The following MYH7 variants were observed in gnomAD, a reference collection of about 807,000 sequenced individuals.
MYH7 encodes myosin-7.
Under a neutral mutation model 225.4 loss-of-function variants are expected in MYH7, and 129 were observed. The observed-to-expected ratio is 0.57, with a 90% CI of 0.50 to 0.66. The LOEUF (loss-of-function observed/expected upper bound fraction) is 0.66, where lower values mean the gene tolerates loss of function less well. MYH7 is among the 30% of genes least tolerant of loss of function. The probability of loss-of-function intolerance (pLI) is 0.00; values close to 1 mark genes in which losing one functional copy is unlikely to be tolerated. For missense variants in MYH7, 1,649 were observed against 2,517.0 expected (o/e 0.66, Z 7.38); for synonymous variants, 971 against 1,007.6 (o/e 0.96, Z 0.69).
intron 16 of MYH7, 91 bp downstream of exon 16, chr14:23,427,494 C>T: frequency 6.5e-7 from 1 of 1,533,586 alleles, no homozygotes; most frequent in Admixed American, 1.9e-5. Flanking sequence ...TACAACCTGA[C>T]ATTGAAGTGG....
At chr14:23,431,334 G>A in intron 9 of MYH7, 84 bp downstream of exon 9, 2 of 1,329,872 alleles carry the variant, frequency 1.5e-6, no homozygotes, top group Non-Finnish European at 2.2e-6. Flanking sequence ...CAGAGGGAGG[G>A]AGGGGAGAGA....
At position 23,431,896 on chromosome 14, in the gene MYH7, G is replaced by C. The variant is rs201586880; in HGVS notation, c.531-27C>G. 6 of 1,600,016 alleles carry C rather than the reference G, an allele frequency of 3.7e-6. No homozygotes were observed. The African/African-American group carries it at 6.7e-5, about 18-fold the overall frequency. Reference sequence around the variant, plus strand: ...TGTGAAGACAGGGGCTTATTGGGCAGTGAACAATACTACTGGAGACCAGCA... The same window carrying C: ...TGTGAAGACAGGGGCTTATTGGGCACTGAACAATACTACTGGAGACCAGCA... On this transcript the variant is annotated intron_variant, in intron 6 of 39. Coordinates refer to ENST00000355349, the MANE Select transcript of MYH7 (RefSeq NM_000257.4).
chr14:23,420,526 A>G (rs1279755793), intron 26 of MYH7, among the ~76,000 whole-genome samples: 1 of 152,258 alleles, frequency 6.6e-6, no homozygotes, highest in Non-Finnish European at 1.5e-5. Context: ...TAAAAAAATA[A>G]CAAAAGTTGA....
chr14:23,434,325 G>T (rs577080797), intron 1 of MYH7, 76 bp from the exon 2 acceptor site: 2 of 952,842 alleles, frequency 2.1e-6, no homozygotes, highest in Middle Eastern at 5.5e-4. Flanking sequence ...CTTCTCCCTG[G>T]CTCTGTTCTT....
chr14:23,415,385 G>A lies in MYH7; in HGVS notation c.5279C>T (p.Thr1760Met), dbSNP rs727505294. The change falls in exon 36 of 40, where the codon ACG becomes ATG. Residue 1760 changes from threonine (T) to methionine (M), a missense_variant. Transcript: ENST00000355349. The surrounding 1 kb of genome is among the most constrained non-coding windows in gnomAD (Gnocchi z 6.3). Reference protein sequence around the residue: ...NAEEKAKKAITDAAMMAEELK... With the variant: ...NAEEKAKKAIMDAAMMAEELK... ...TCGGTGGAGTGGGGGACTTACATCC[G>A]TGATGGCCTTCTTGGCCTTCTCCTC... is the stretch of plus-strand genomic sequence containing the variant. 9.3e-6 allele frequency: 15 copies of A among 1,614,094 alleles called. No individual in the cohort carries two copies. Among genetic ancestry groups the A allele is most frequent in the South Asian group, 2.2e-5 (2 of 91,086 alleles).
intron 7 of MYH7, 33 bp from the exon 8 acceptor site, chr14:23,431,710 T>A (rs1003648521): frequency 6.2e-7 from 1 of 1,614,100 alleles, no homozygotes; most frequent in East Asian, 2.2e-5. Context: ...AGGTGAGAGC[T>A]CTTCTCCCTC....
In MYH7 at chr14:23,424,010, T is replaced by G; in HGVS notation, c.2819A>C (p.Lys940Thr). The G allele has an allele frequency of 1.1e-5, 18 of 1,614,256 alleles. No homozygotes were observed. Among genetic ancestry groups the G allele is most frequent in the Non-Finnish European group, 1.5e-5 (18 of 1,180,046 alleles). ...TGAGCACTCATCTTCCAGCTTGCGC[T>G]TCTTGGCAGTGAGCTCAGCATTCAT... The part of the protein sequence containing the change: ...EEMNAELTAK[K>T]RKLEDECSEL... The change falls in exon 23 of 40, where the codon AAG becomes ACG. Residue 940 changes from lysine (K) to threonine (T), a missense_variant. Around this residue, in one of 12 missense-constraint regions of MYH7, gnomAD observed 282 missense variants for 315.3 expected, o/e 0.89. Coordinates refer to ENST00000355349, the MANE Select transcript of MYH7 (RefSeq NM_000257.4).
rs1469321541 is a variant in MYH7, at chr14:23,425,755, T to C, written c.2226A>G (p.Ala742=). Residue 742 remains alanine, a synonymous_variant, in exon 20 of 40, where the codon GCA becomes GCG. Transcript: ENST00000355349. This position sits in a 1 kb window ranked among gnomAD's most constrained non-coding sequence, Gnocchi z 4.6. The part of the protein sequence containing the change: ...EGQFIDSRKG[A]EKLLSSLDID... Reference sequence around the variant, plus strand: ...TGTCCAGGGAGCTGAGCAGCTTCTCTGCCCCCTTCCTGCTATCAATGAACT... The same window carrying C: ...TGTCCAGGGAGCTGAGCAGCTTCTCCGCCCCCTTCCTGCTATCAATGAACT... 1 of 1,614,032 alleles carries C rather than the reference T, an allele frequency of 6.2e-7. No homozygotes were observed. Among genetic ancestry groups the C allele is most frequent in the East Asian group, 2.2e-5 (1 of 44,892 alleles).
intron 15 of MYH7, 129 bp downstream of exon 15, chr14:23,428,371 A>C: frequency 6.8e-7 from 1 of 1,468,408 alleles, no homozygotes; most frequent in Non-Finnish European, 9.4e-7. Flanking sequence ...AGGCTCTGGA[A>C]CCAAGGGCTC....
chr14:23,430,646 T>G lies in MYH7; in HGVS notation c.913A>C (p.Asn305His), dbSNP rs750654574. The G allele has an allele frequency of 6.2e-7, 1 of 1,614,054 alleles. No individual in the cohort carries two copies. The highest frequency in any genetic ancestry group is 8.5e-7 in the Non-Finnish European group (1 of 1,179,938). Residue 305 changes from asparagine to histidine, a missense_variant, in exon 11 of 40, where the codon AAC becomes CAC. Around this residue, in one of 12 missense-constraint regions of MYH7, gnomAD observed 131 missense variants for 231.3 expected, o/e 0.57. Transcript: ENST00000355349. ...ATGAATGCATAATCGTAGGGGTTGT[T>G]GGTGATCAGCAGCATGTCTAGGGGA... ...PELLDMLLITNNPYDYAFISQ... is the reference protein window; with the variant it reads ...PELLDMLLITHNPYDYAFISQ...
rs1454105335 is a variant in MYH7 at position 23,413,820 on chromosome 14, G to A, written c.5729C>T (p.Ala1910Val). ...QHELDEAEERADIAESQVNKL... is the reference protein window; with the variant it reads ...QHELDEAEERVDIAESQVNKL... ...GTTGACCTGGGACTCGGCGATGTCCGCCCGCTCCTCTGCCTCATCCAGCTC... is the reference window on the plus strand; with the variant it reads ...GTTGACCTGGGACTCGGCGATGTCCACCCGCTCCTCTGCCTCATCCAGCTC... The change falls in exon 39 of 40, where the codon GCG becomes GTG. Residue 1910 changes from alanine (A) to valine (V), a missense_variant. Ala to Val is a moderately conservative substitution (Grantham distance 64). Transcript: ENST00000355349. 4 of 1,614,120 alleles carry A rather than the reference G, an allele frequency of 2.5e-6. No homozygotes were observed. The highest frequency in any genetic ancestry group is 3.4e-6 in the Non-Finnish European group (4 of 1,180,054).
intron 32 of MYH7, 72 bp from the exon 33 acceptor site, chr14:23,417,064 G>A: frequency 6.2e-7 from 1 of 1,614,004 alleles, no homozygotes; most frequent in East Asian, 2.2e-5. Context: ...ACGCCTCTTT[G>A]CCCAGACGCC....
At position 23,417,179 on chromosome 14, in the gene MYH7, A is replaced by G; in HGVS notation, c.4493T>C (p.Phe1498Ser). The G allele has an allele frequency of 6.2e-7, 1 of 1,614,080 alleles. No individual in the cohort carries two copies. Residue 1498 changes from phenylalanine to serine, a missense_variant, in exon 32 of 40, where the codon TTC (phenylalanine) becomes TCC (serine). By Grantham distance (155) the Phe-to-Ser change is radical. This residue lies in a region of MYH7 where 687 missense variants were observed against 913.8 expected (regional missense o/e 0.75). Transcript: ENST00000355349. Reference sequence around the variant, plus strand: ...CTGCAGGTTTTTGTTCTCCCGCTTGAAGGTCTCCAGATGTTCCAGGGACTC... The same window carrying G: ...CTGCAGGTTTTTGTTCTCCCGCTTGGAGGTCTCCAGATGTTCCAGGGACTC... ...YEESLEHLET[F>S]KRENKNLQEE...
rs923123255 is a variant in MYH7, at chr14:23,433,070, G to C, written c.345+14C>G. 1.9e-6 allele frequency: 3 copies of C among 1,613,982 alleles called. No homozygotes were observed. The African/African-American group carries it at 4.0e-5, about 22-fold the overall frequency. On this transcript the variant is annotated intron_variant, in intron 4 of 39. Coordinates refer to ENST00000355349, the MANE Select transcript of MYH7 (RefSeq NM_000257.4). The surrounding 1 kb of genome is among the most constrained non-coding windows in gnomAD (Gnocchi z 4.1). ...GAACAGAGATCCCAACGTAGGGCCA[G>C]GTGCAGCACTCACGTAGATCATCCA...
chr14:23,429,718 G>A, intron 12 of MYH7, 57 bp downstream of exon 12: 2 of 1,588,950 alleles, frequency 1.3e-6, no homozygotes, highest in Non-Finnish European at 1.7e-6. Flanking sequence ...GATGACTGCT[G>A]AGCAGACATG....
intron 1 of MYH7, among the ~76,000 whole-genome samples, chr14:23,435,364 CCACACACACACACA>C (rs3138591): frequency 1.0e-4 from 15 of 147,550 alleles, no homozygotes; most frequent in African/African-American, 1.5e-4. Context: ...GCAGGCTTGT[CCACACACACACACA>C]CACACACACA....
At chr14:23,416,821 G>A in intron 33 of MYH7, 47 bp downstream of exon 33, 1 of 1,613,166 alleles carries the variant, frequency 6.2e-7, no homozygotes, top group East Asian at 2.2e-5. Flanking sequence ...GGGACCAAAA[G>A]CCTGGAGCTC....
Position 23,415,856 on chromosome 14 carries a change from G to T in MYH7, c.4954-24C>A, listed in dbSNP as rs554882421. The T allele has an allele frequency of 2.0e-5, 32 of 1,614,140 alleles. No homozygotes were observed. In the Admixed American group the frequency reaches 3.8e-4, roughly 19 times the overall value. ...TCCTGAGGATCAGGAGAGTGGGCATGAGCAGGGAGCCAGCCTCGGTTCCCT... is the reference window on the plus strand; with the variant it reads ...TCCTGAGGATCAGGAGAGTGGGCATTAGCAGGGAGCCAGCCTCGGTTCCCT... On this transcript the variant is annotated intron_variant, in intron 34 of 39. Transcript: ENST00000355349. This position sits in a 1 kb window ranked among gnomAD's most constrained non-coding sequence, Gnocchi z 6.3.
At chr14:23,423,476 CACACACACACAG>C in intron 24 of MYH7, 59 bp downstream of exon 24, 3 of 1,545,010 alleles carry the variant, frequency 1.9e-6, no homozygotes, top group Non-Finnish European at 1.8e-6. Flanking sequence ...CACACACACA[CACACACACACAG>C]AGCTCTGGGC....
Sources: allele counts gnomAD v4.1 joint callset (sites outside exome capture counted in the v4.1 genomes callset), GRCh38; gene constraint gnomAD v4.1.1; regional missense constraint gnomAD v4.1.1; non-coding constraint Gnocchi (gnomAD v3.1); transcripts MANE v1.5; gene names NCBI Gene and HGNC (gene_info 2026-07-23, HGNC 2026-07-21).